Variants in RAPGEF6 observed in about 807,000 individuals in gnomAD.
RAPGEF6 encodes the protein PDZ domain containing guanine nucleotide exchange factor (GEF) 2.
Under a neutral mutation model 171.4 loss-of-function variants are expected in RAPGEF6, and 56 were observed. That is an observed-to-expected ratio of 0.33 (90% CI 0.26 to 0.41). The LOEUF is 0.41. Among genes scored for constraint, RAPGEF6 ranks in the 10% least tolerant of loss-of-function variants. The probability of loss-of-function intolerance (pLI) is 1.00; values close to 1 mark genes in which losing one functional copy is unlikely to be tolerated. For synonymous variants in RAPGEF6, 692 were observed against 650.1 expected (o/e 1.06, Z -0.98); for missense variants, 1,674 against 1,921.4 (o/e 0.87, Z 2.41).
intron 1 of RAPGEF6, among the ~76,000 whole-genome samples, chr5:131,621,253 G>A (rs1308987822): frequency 1.3e-5 from 2 of 152,066 alleles, no homozygotes; most frequent in East Asian, 1.9e-4. Context: ...TGTAGTATTT[G>A]CATATAACCT....
intron 4 of RAPGEF6, among the ~76,000 whole-genome samples, chr5:131,589,781 T>C (rs558943054): frequency 2.0e-5 from 3 of 152,296 alleles, no homozygotes; most frequent in South Asian, 2.1e-4. Context: ...CTGTTTCCTG[T>C]CCCCAGCTTC....
In RAPGEF6 at chr5:131,479,367, G is replaced by A. The variant is rs578012469; in HGVS notation, c.2081+146C>T. On this transcript the variant is annotated intron_variant, in intron 16 of 27. Coordinates refer to ENST00000509018, the MANE Select transcript of RAPGEF6 (RefSeq NM_016340.6). ...GAAAGTGATAGGGAGAAGTTCAAAT[G>A]TATTCTTATTTGAGTACTGTTTGAA... 106 of 762,832 alleles carry A rather than the reference G, an allele frequency of 1.4e-4. No homozygotes were observed. In the East Asian group the frequency reaches 2.7e-3, roughly 19 times the overall value. The allele number at this position is 762,832 out of a possible 1,614,324, so 47.3% of individuals were successfully genotyped here. A position where few individuals can be genotyped will look rare whatever the true frequency, so the allele number is the denominator to read the frequency against.
At chr5:131,461,436 G>A (rs951960495) in intron 19 of RAPGEF6, among the ~76,000 whole-genome samples, 4 of 152,124 alleles carry the variant, frequency 2.6e-5, no homozygotes, top group African/African-American at 9.7e-5. Context: ...CACTCAAGGC[G>A]GGGGGTTGGA....
At chr5:131,528,342 C>T (rs1468257) in intron 6 of RAPGEF6, among the ~76,000 whole-genome samples, 77,583 of 106,294 alleles carry the variant, frequency 0.73, 28,152 homozygotes, top group Middle Eastern at 0.79. Context: ...TATATATACA[C>T]ACACACACAC....
chr5:131,446,342 G>T, intron 22 of RAPGEF6, 141 bp downstream of exon 22: 2 of 737,612 alleles, frequency 2.7e-6, no homozygotes, highest in Non-Finnish European at 4.3e-6. Context: ...GTGATTAATT[G>T]GATCACATGA....
intron 6 of RAPGEF6, among the ~76,000 whole-genome samples, chr5:131,546,308 T>TA (rs2149946633): frequency 6.6e-6 from 1 of 152,186 alleles, no homozygotes; most frequent in Non-Finnish European, 1.5e-5. Context: ...CCTTAATTTT[T>TA]AAAAAATAAG....
chr5:131,486,907 A>AT (rs1175454906), intron 15 of RAPGEF6, among the ~76,000 whole-genome samples: 1 of 152,050 alleles, frequency 6.6e-6, no homozygotes, highest in Non-Finnish European at 1.5e-5. Context: ...AGAATCTATA[A>AT]GATCACTCAT....
chr5:131,612,394 T>C (rs982877150), intron 1 of RAPGEF6, among the ~76,000 whole-genome samples: 6 of 152,070 alleles, frequency 3.9e-5, no homozygotes, highest in Admixed American at 3.3e-4. Context: ...GTAAGTGTTC[T>C]GAGCATGTTT....
intron 14 of RAPGEF6, among the ~76,000 whole-genome samples, chr5:131,491,055 C>CGTGTGT (rs147350380): frequency 3.2e-4 from 49 of 151,238 alleles, no homozygotes; most frequent in African/African-American, 1.0e-3. Context: ...AATGATTTCA[C>CGTGTGT]GTGTGTGTGT....
At position 131,635,113 on chromosome 5, in the gene RAPGEF6, T is replaced by C. The variant is rs938384014; in HGVS notation, c.-83A>G. The C allele has an allele frequency of 8.1e-6, 11 of 1,359,454 alleles. No homozygotes were observed. The South Asian group carries it at 1.1e-4, about 14-fold the overall frequency. The allele number at this position is 1,359,454 out of a possible 1,614,324, so 84.2% of individuals were successfully genotyped here. A position where few individuals can be genotyped will look rare whatever the true frequency, so the allele number is the denominator to read the frequency against. ...ACACTAGGTAGCGGGTGCGGTACCT[T>C]TCCCCCGCCCCAAGGAGGGAACTTC... On this transcript the variant is annotated 5_prime_UTR_variant, in exon 1 of 28. Coordinates refer to ENST00000509018, the MANE Select transcript of RAPGEF6 (RefSeq NM_016340.6).
intron 17 of RAPGEF6, among the ~76,000 whole-genome samples, chr5:131,471,627 C>G (rs1754744288): frequency 6.6e-6 from 1 of 152,104 alleles, no homozygotes. Context: ...AAAACCATCT[C>G]AAATCCGTTA....
chr5:131,594,130 C>T (rs1763749164), intron 3 of RAPGEF6, among the ~76,000 whole-genome samples: 1 of 152,266 alleles, frequency 6.6e-6, no homozygotes, highest in Admixed American at 6.5e-5. Flanking sequence ...CAGGACCCTG[C>T]TACTCTGTGT....
intron 1 of RAPGEF6, among the ~76,000 whole-genome samples, chr5:131,610,365 A>G (rs1211559344): frequency 1.3e-5 from 2 of 151,182 alleles, no homozygotes; most frequent in Admixed American, 1.3e-4. Flanking sequence ...TTTAAACACC[A>G]GGGCCCAAGA....
At chr5:131,468,511 T>C (rs547257301) in intron 17 of RAPGEF6, among the ~76,000 whole-genome samples, 44 of 97,120 alleles carry the variant, frequency 4.5e-4, no homozygotes, top group African/African-American at 1.4e-3. Context: ...AAATGAATAC[T>C]TGAAGGATGT....
intron 15 of RAPGEF6, among the ~76,000 whole-genome samples, chr5:131,482,437 G>A (rs1418244851): frequency 6.6e-6 from 1 of 152,062 alleles, no homozygotes; most frequent in African/African-American, 2.4e-5. Context: ...TGGGTAGCTG[G>A]GATGACAGGC....
intron 4 of RAPGEF6, among the ~76,000 whole-genome samples, chr5:131,581,380 C>T (rs1203626632): frequency 6.6e-6 from 1 of 152,152 alleles, no homozygotes; most frequent in Non-Finnish European, 1.5e-5. Flanking sequence ...TGTTAGTCCT[C>T]TAATACCTAT....
chr5:131,488,786 T>C (rs1756094993), intron 15 of RAPGEF6, among the ~76,000 whole-genome samples: 1 of 152,204 alleles, frequency 6.6e-6, no homozygotes, highest in African/African-American at 2.4e-5. Flanking sequence ...CTAGAGAGAT[T>C]TGTTTTCCTC....
chr5:131,461,757 C>A lies in RAPGEF6; in HGVS notation c.2812G>T (p.Ala938Ser). 6.2e-7 allele frequency: 1 copy of A among 1,608,818 alleles called. No individual in the cohort carries two copies. The highest frequency in any genetic ancestry group is 2.2e-5 in the East Asian group (1 of 44,738). Residue 938 changes from alanine (A) to serine (S), a missense_variant, in exon 19 of 28, where the codon GCA (alanine) becomes TCA (serine). Transcript: ENST00000509018. ...TTCTTACATTCTCGACAATGAAGTG[C>A]AATTTTAATAAAATGCTTAATAATC... ...MKIIKHFIKI[A>S]LHCRECKNFN...
At chr5:131,459,317 T>TA (rs1753743676) in intron 19 of RAPGEF6, among the ~76,000 whole-genome samples, 1 of 152,192 alleles carries the variant, frequency 6.6e-6, no homozygotes, top group Admixed American at 6.5e-5. Flanking sequence ...TCAAGATTAA[T>TA]AAAAAATGTT....
Sources: allele counts gnomAD v4.1 joint callset (sites outside exome capture counted in the v4.1 genomes callset), GRCh38; gene constraint gnomAD v4.1.1; transcripts MANE v1.5; gene names NCBI Gene and HGNC (gene_info 2026-07-23, HGNC 2026-07-21).